Variants in MTAP observed in about 807,000 individuals in gnomAD.
MTAP encodes methylthioadenosine phosphorylase.
Under a neutral mutation model 33.6 loss-of-function variants are expected in MTAP, and 33 were observed. The ratio of observed to expected loss-of-function variants is 0.98; its 90% CI spans 0.74 to 1.31. The LOEUF (loss-of-function observed/expected upper bound fraction) is 1.31, where lower values mean the gene tolerates loss of function less well. MTAP is among the 40% of genes most tolerant of loss of function. The probability of loss-of-function intolerance (pLI) is 0.00; values close to 1 mark genes in which losing one functional copy is unlikely to be tolerated. For missense variants in MTAP, 367 were observed against 360.0 expected (o/e 1.02, Z -0.16); for synonymous variants, 148 against 125.7 (o/e 1.18, Z -1.19).
intron 1 of MTAP, among the ~76,000 whole-genome samples, chr9:21,882,998 C>T (rs998913369): frequency 7.3e-5 from 11 of 151,036 alleles, no homozygotes; most frequent in African/African-American, 2.7e-4. Context: ...AGAAGTGAGG[C>T]CCCTAACTCA....
chr9:21,871,565 G>A (rs181235880), downstream of MTAP, among the ~76,000 whole-genome samples: 699 of 152,168 alleles, frequency 4.6e-3, 5 homozygotes, highest in Non-Finnish European at 7.0e-3. Flanking sequence ...AGACTCTTCG[G>A]ACATTACCTT....
chr9:21,911,764 A>C (rs1818580543), intron 1 of MTAP, among the ~76,000 whole-genome samples: 1 of 152,206 alleles, frequency 6.6e-6, no homozygotes, highest in Non-Finnish European at 1.5e-5. Context: ...GCAGAAGGCA[A>C]GAAATAACCA....
At chr9:21,913,148 G>T (rs1350115346) in intron 1 of MTAP, among the ~76,000 whole-genome samples, 2 of 152,140 alleles carry the variant, frequency 1.3e-5, no homozygotes, top group Non-Finnish European at 2.9e-5. Context: ...ACAAATAGAA[G>T]AACATTCCAT....
downstream of MTAP, chr9:21,931,605 C>G (rs1277909121): frequency 6.3e-6 from 1 of 157,786 alleles, no homozygotes; most frequent in African/African-American, 2.4e-5. Flanking sequence ...TACAGACTTC[C>G]TCTAAAAACA....
intron 1 of MTAP, among the ~76,000 whole-genome samples, chr9:21,907,574 A>C (rs1818495886): frequency 6.6e-6 from 1 of 152,222 alleles, no homozygotes; most frequent in South Asian, 2.1e-4. Context: ...ACAACAAAAA[A>C]AATTATTTGT....
downstream of MTAP, among the ~76,000 whole-genome samples, chr9:21,869,080 T>G (rs4977736): frequency 0.22 from 32,809 of 152,078 alleles, 3,905 homozygotes; most frequent in Admixed American, 0.36. Flanking sequence ...TTCTCCTTAT[T>G]ATTGAATCAC....
chr9:21,874,904 CT>C (rs935947319), intron 1 of MTAP, among the ~76,000 whole-genome samples: 2 of 151,962 alleles, frequency 1.3e-5, no homozygotes, highest in Non-Finnish European at 2.9e-5. Flanking sequence ...TCCATGTGTT[CT>C]TATTGTTCAA....
chr9:21,906,808 A>T (rs1818485278), intron 1 of MTAP, among the ~76,000 whole-genome samples: 1 of 152,246 alleles, frequency 6.6e-6, no homozygotes, highest in African/African-American at 2.4e-5. Flanking sequence ...AGTAATACAG[A>T]TATAAATTAA....
intron 7 of MTAP, 89 bp downstream of exon 7, chr9:21,859,514 A>G (rs1280549330): frequency 3.5e-6 from 5 of 1,423,992 alleles, no homozygotes; most frequent in Middle Eastern, 2.3e-4. Context: ...GTCCTCATGT[A>G]TTTTATGCCA....
rs746659238 is a variant in MTAP, at chr9:21,815,459, G to A, written c.60G>A (p.Leu20=). ...VKIGIIGGTG[L]DDPEILEGRT... is the part of the protein sequence containing the mutation. ...TTGGAATAATTGGTGGAACAGGCCT[G>A]GATGATCCAGAAATTTTAGAAGGAA... is the stretch of plus-strand genomic sequence containing the variant. Residue 20 remains leucine, a synonymous_variant, in exon 2 of 8, where the codon CTG becomes CTA. Coordinates refer to ENST00000644715, the MANE Select transcript of MTAP (RefSeq NM_002451.4). 1.4e-5 allele frequency: 22 copies of A among 1,610,798 alleles called. No homozygotes were observed. The highest frequency in any genetic ancestry group is 1.8e-5 in the Non-Finnish European group (21 of 1,178,154).
rs114757374 is a variant in MTAP, at chr9:21,833,994, A to G, written c.348-3914A>G. Among the ~76,000 whole-genome samples the G allele has an allele frequency of 7.1e-3, 1,075 of 151,890 alleles. 12 individuals carry two copies. Among genetic ancestry groups the G allele is most frequent in the African/African-American group, 0.023 (937 of 41,392 alleles). On this transcript the variant is annotated intron_variant, in intron 4 of 7. Transcript: ENST00000644715. ...CATTTTGTCTCCTTTACTTTTCCAT[A>G]GGCTGTTTTTTTTTATTTGTCTACT...
chr9:21,940,000 G>A (rs1368590190), downstream of MTAP, among the ~76,000 whole-genome samples: 2 of 152,126 alleles, frequency 1.3e-5, no homozygotes, highest in Non-Finnish European at 2.9e-5. Flanking sequence ...TATATGACCA[G>A]CCGGGTGTGG....
At chr9:21,931,231 T>C, downstream of MTAP, 1 of 670,546 alleles carries the variant, frequency 1.5e-6, no homozygotes. Flanking sequence ...ACAATCACCA[T>C]CACACCTCTG....
downstream of MTAP, among the ~76,000 whole-genome samples, chr9:21,868,885 G>A (rs1020051442): frequency 1.3e-5 from 2 of 152,132 alleles, no homozygotes; most frequent in African/African-American, 2.4e-5. Flanking sequence ...CAGAGTTTCC[G>A]ATTCAGGATA....
rs143584799 is a variant in MTAP at position 21,820,382 on chromosome 9, C to G, written c.347+2180C>G. ...ACATGGCTAGCCAGTTTTCCCAGCA[C>G]CATTTATGAAATAGGGAATCCTTTC... On this transcript the variant is annotated intron_variant, in intron 4 of 7. Coordinates refer to ENST00000644715, the MANE Select transcript of MTAP (RefSeq NM_002451.4). 7.5e-3 allele frequency among the ~76,000 whole-genome samples: 1,149 copies of G among 152,296 alleles called. 12 individuals carry two copies. Among genetic ancestry groups the G allele is most frequent in the African/African-American group, 0.025 (1,039 of 41,564 alleles).
downstream of MTAP, among the ~76,000 whole-genome samples, chr9:21,870,257 C>T (rs1458299853): frequency 6.6e-6 from 1 of 152,216 alleles, no homozygotes; most frequent in Non-Finnish European, 1.5e-5. Flanking sequence ...TCCCATAGCT[C>T]TTAACTTCTC....
At chr9:21,852,063 A>G (rs1825524915) in intron 5 of MTAP, among the ~76,000 whole-genome samples, 1 of 152,204 alleles carries the variant, frequency 6.6e-6, no homozygotes, top group South Asian at 2.1e-4. Context: ...CTACTTAGCC[A>G]TAAAAAAGAA....
chr9:21,854,764 A>G lies in MTAP; in HGVS notation c.584A>G (p.Asn195Ser). 1 of 1,614,182 alleles carries G rather than the reference A, an allele frequency of 6.2e-7. No homozygotes were observed. Among genetic ancestry groups the G allele is most frequent in the Non-Finnish European group, 8.5e-7 (1 of 1,180,012 alleles). The change falls in exon 6 of 8, where the codon AAC becomes AGC. Residue 195 changes from asparagine (N) to serine (S), a missense_variant. Coordinates refer to ENST00000644715, the MANE Select transcript of MTAP (RefSeq NM_002451.4). ...MFRTWGADVI[N>S]MTTVPEVVLA... ...CGCACCTGGGGGGCGGATGTTATCA[A>G]CATGACCACAGTTCCAGAGGTGGTT...
chr9:21,868,251 G>A (rs1008232591), downstream of MTAP, among the ~76,000 whole-genome samples: 16 of 152,198 alleles, frequency 1.1e-4, no homozygotes, highest in Non-Finnish European at 2.2e-4. Flanking sequence ...TATGTAACAT[G>A]AGATAAAATA....
Sources: allele counts gnomAD v4.1 joint callset (sites outside exome capture counted in the v4.1 genomes callset), GRCh38; gene constraint gnomAD v4.1.1; transcripts MANE v1.5; gene names NCBI Gene and HGNC (gene_info 2026-07-23, HGNC 2026-07-21).